The following EBF1 variants were observed in gnomAD, a reference collection of about 807,000 sequenced individuals.
EBF1 encodes the protein EBF transcription factor 1, also known as transcription factor COE1.
A neutral mutation model predicts 68.4 loss-of-function variants in EBF1; 10 were observed. The observed-to-expected ratio is 0.15, with a 90% CI of 0.09 to 0.25. The LOEUF is 0.25. Ranked by LOEUF, EBF1 falls within the 10% of genes least tolerant of loss-of-function variation. EBF1 has a pLI of 1.00. For missense variants in EBF1, 509 were observed against 794.4 expected (o/e 0.64, Z 4.32); for synonymous variants, 298 against 299.8 (o/e 0.99, Z 0.06).
At chr5:158,982,926 C>A (rs1478105571) in intron 6 of EBF1, 5 of 152,086 alleles carry the variant, frequency 3.3e-5, no homozygotes, top group Non-Finnish European at 5.9e-5. Context: ...GGTCTGCTCC[C>A]CTATGAGGAA....
intron 6 of EBF1, among the ~76,000 whole-genome samples, chr5:158,874,102 T>C (rs371490295): frequency 4.6e-5 from 7 of 152,364 alleles, no homozygotes; most frequent in African/African-American, 1.7e-4. Context: ...GAGTTTCCAC[T>C]GGTAGAGGAG....
At chr5:158,944,439 G>C (rs974882178) in intron 6 of EBF1, among the ~76,000 whole-genome samples, 1 of 152,200 alleles carries the variant, frequency 6.6e-6, no homozygotes, top group Non-Finnish European at 1.5e-5. Context: ...TGGTGTATAT[G>C]TGCCACGTTT....
chr5:158,866,821 A>ATATATG, intron 6 of EBF1, among the ~76,000 whole-genome samples: 1 of 120,338 alleles, frequency 8.3e-6, no homozygotes, highest in Non-Finnish European at 1.7e-5. Flanking sequence ...ATATATGTAT[A>ATATATG]TATATGTATA....
chr5:158,704,404 G>A (rs1313486915), intron 15 of EBF1, among the ~76,000 whole-genome samples: 20 of 152,158 alleles, frequency 1.3e-4, no homozygotes, highest in Admixed American at 1.3e-3. Flanking sequence ...AATAGGCCTT[G>A]AAAACACTTA....
rs765785730 is a variant in EBF1, at chr5:158,696,186, A to AT, written c.*2924dup. 3.2e-5 allele frequency: 7 copies of AT among 216,930 alleles called. No homozygotes were observed. The highest frequency in any genetic ancestry group is 9.0e-5 in the African/African-American group (4 of 44,462). The allele number at this position is 216,930 out of a possible 1,614,324, so 13.4% of individuals were successfully genotyped here. ...TGCAATCCAGTCATCCAGAAGCTGT[A>AT]TTTTTTCCCCCAACACTGAAATCTT... is the stretch of plus-strand genomic sequence containing the variant. On this transcript the variant is annotated 3_prime_UTR_variant, in exon 16 of 16. Coordinates refer to ENST00000313708, the MANE Select transcript of EBF1 (RefSeq NM_024007.5).
At chr5:159,011,519 A>C (rs1561788599) in intron 6 of EBF1, among the ~76,000 whole-genome samples, 1 of 152,224 alleles carries the variant, frequency 6.6e-6, no homozygotes, top group Non-Finnish European at 1.5e-5. Context: ...GCTGGTTAAA[A>C]TAATAAGTAT....
chr5:158,876,157 TATAATA>T (rs1430432961), intron 6 of EBF1, among the ~76,000 whole-genome samples: 1 of 152,104 alleles, frequency 6.6e-6, no homozygotes, highest in African/African-American at 2.4e-5. Flanking sequence ...TAATATAAAA[TATAATA>T]ATATTAGCAG....
At chr5:158,769,028 C>CTAA (rs954668039) in intron 10 of EBF1, among the ~76,000 whole-genome samples, 78 of 152,264 alleles carry the variant, frequency 5.1e-4, no homozygotes, top group African/African-American at 1.9e-3. Flanking sequence ...TAATAGCTTT[C>CTAA]TAATCCCTTA....
At chr5:158,768,531 A>G (rs1212173499) in intron 10 of EBF1, among the ~76,000 whole-genome samples, 1 of 152,136 alleles carries the variant, frequency 6.6e-6, no homozygotes, top group Non-Finnish European at 1.5e-5. Context: ...AGCAATTTCA[A>G]TATTATTTTA....
At chr5:159,097,387 G>T in intron 1 of EBF1, 1 of 515,022 alleles carries the variant, frequency 1.9e-6, no homozygotes, top group Non-Finnish European at 3.4e-6. Context: ...GTTTTGTTTG[G>T]GTTTTGCGCG....
At chr5:158,908,044 G>A (rs375651604) in intron 6 of EBF1, among the ~76,000 whole-genome samples, 36 of 152,068 alleles carry the variant, frequency 2.4e-4, no homozygotes, top group African/African-American at 8.0e-4. Context: ...CCCCACCACC[G>A]AGTTTTGGCA....
chr5:158,835,885 A>G (rs1439014380), intron 7 of EBF1, among the ~76,000 whole-genome samples: 1 of 152,200 alleles, frequency 6.6e-6, no homozygotes, highest in Non-Finnish European at 1.5e-5. Context: ...CTCATGTAAA[A>G]TACTTTGCAC....
intron 6 of EBF1, among the ~76,000 whole-genome samples, chr5:159,000,487 G>T (rs891742916): frequency 6.6e-6 from 1 of 152,076 alleles, no homozygotes; most frequent in Non-Finnish European, 1.5e-5. Flanking sequence ...ATTTTTACTT[G>T]AAAATACAAC....
chr5:158,978,797 TACACACACACACACAC>T (rs57930371), intron 6 of EBF1, among the ~76,000 whole-genome samples: 2 of 142,924 alleles, frequency 1.4e-5, no homozygotes, highest in Admixed American at 1.4e-4. Flanking sequence ...CACACACACA[TACACACACACACACAC>T]ACACACACAC....
chr5:159,063,134 C>T (rs1377928959), intron 6 of EBF1, among the ~76,000 whole-genome samples: 1 of 152,168 alleles, frequency 6.6e-6, no homozygotes, highest in Admixed American at 6.5e-5. Context: ...CCCTAAGCAT[C>T]TAGTACACAG....
chr5:158,710,103 ATAAT>A (rs1450927797), intron 14 of EBF1, among the ~76,000 whole-genome samples: 2 of 152,204 alleles, frequency 1.3e-5, no homozygotes, highest in African/African-American at 4.8e-5. Context: ...TGCTTTATGA[ATAAT>A]TAAATATTAT....
At chr5:158,805,432 G>A (rs950545272) in intron 8 of EBF1, among the ~76,000 whole-genome samples, 5 of 152,034 alleles carry the variant, frequency 3.3e-5, no homozygotes, top group African/African-American at 1.2e-4. Flanking sequence ...CCATCTGTTC[G>A]CCAAGGTTTG....
intron 6 of EBF1, among the ~76,000 whole-genome samples, chr5:159,060,446 C>A (rs1775573579): frequency 6.6e-6 from 1 of 152,178 alleles, no homozygotes; most frequent in African/African-American, 2.4e-5. Context: ...TTTAATTCTT[C>A]AATTCCTGAT....
chr5:158,966,930 T>C (rs548966605), intron 6 of EBF1, among the ~76,000 whole-genome samples: 2 of 152,300 alleles, frequency 1.3e-5, no homozygotes, highest in Non-Finnish European at 1.5e-5. Context: ...TAGTGAAGGA[T>C]AGTAATTTAG....
Sources: allele counts gnomAD v4.1 joint callset (sites outside exome capture counted in the v4.1 genomes callset), GRCh38; gene constraint gnomAD v4.1.1; transcripts MANE v1.5; gene names NCBI Gene and HGNC (gene_info 2026-07-23, HGNC 2026-07-21).